Variants in CHL1 observed in about 807,000 individuals in gnomAD.
CHL1 encodes the protein cell adhesion molecule L1 like, also known as neural cell adhesion molecule L1-like protein.
CHL1 carries 96 observed loss-of-function variants against 141.9 expected under a neutral mutation model. That is an observed-to-expected ratio of 0.68 (90% CI 0.57 to 0.80). CHL1 has a LOEUF of 0.80. Ranked by LOEUF, CHL1 falls within the 30% of genes least tolerant of loss-of-function variation. The pLI, the probability that CHL1 is intolerant of heterozygous loss-of-function variation, is 0.00. For missense variants in CHL1, 1,820 were observed against 1,457.2 expected, an observed-to-expected ratio of 1.25 and a Z score of -4.05; for synonymous variants, 613 against 502.2, an observed-to-expected ratio of 1.22 and a Z score of -2.95.
intron 2 of CHL1, among the ~76,000 whole-genome samples, chr3:271,685 A>C (rs919674567): frequency 2.0e-5 from 3 of 152,256 alleles, no homozygotes; most frequent in African/African-American, 7.2e-5. Context: ...TGATATTTTT[A>C]TGCTAAGCTG....
chr3:288,110 G>C (rs1453803385), intron 2 of CHL1, among the ~76,000 whole-genome samples: 1 of 152,098 alleles, frequency 6.6e-6, no homozygotes, highest in African/African-American at 2.4e-5. Context: ...CTTGGATTCT[G>C]ATTGAAATAT....
At chr3:341,853 G>T in intron 6 of CHL1, 59 bp from the exon 7 acceptor site, 1 of 1,302,716 alleles carries the variant, frequency 7.7e-7, no homozygotes, top group Non-Finnish European at 1.0e-6. Context: ...AATGAAAAAG[G>T]AAGATGAAGC....
At chr3:331,506 T>A (rs1179272952) in intron 5 of CHL1, among the ~76,000 whole-genome samples, 7 of 152,140 alleles carry the variant, frequency 4.6e-5, no homozygotes, top group African/African-American at 1.7e-4. Context: ...TGTCCCAAAG[T>A]GCTGGGATTA....
rs934128001 is a variant in CHL1 at position 406,475 on chromosome 3, G to A, written c.*764G>A. 4.6e-5 allele frequency: 7 copies of A among 151,648 alleles called. No homozygotes were observed. The highest frequency in any genetic ancestry group is 1.7e-4 in the African/African-American group (7 of 41,280). The allele number at this position is 151,648 out of a possible 1,614,324, so 9.4% of individuals were successfully genotyped here. On this transcript the variant is annotated 3_prime_UTR_variant, in exon 28 of 28. Transcript: ENST00000256509. The stretch of plus-strand genomic sequence containing the variant: ...AGAAGGTTGTTTTATACGAGAACAG[G>A]CAGAAAGTGCCCATTGTTCAGGATT...
chr3:222,057 G>C (rs1229043361), intron 1 of CHL1, among the ~76,000 whole-genome samples: 1 of 152,056 alleles, frequency 6.6e-6, no homozygotes, highest in African/African-American at 2.4e-5. Context: ...ACAAAATATT[G>C]GTCCCCAAAA....
chr3:378,846 C>A (rs1246202400), intron 16 of CHL1, among the ~76,000 whole-genome samples: 4 of 152,188 alleles, frequency 2.6e-5, no homozygotes, highest in Non-Finnish European at 5.9e-5. Flanking sequence ...TCACACCCAA[C>A]CTACTGAACA....
chr3:355,348 C>T (rs536004594), intron 11 of CHL1, among the ~76,000 whole-genome samples: 2 of 152,204 alleles, frequency 1.3e-5, no homozygotes, highest in South Asian at 4.1e-4. Flanking sequence ...ATCCCCATGC[C>T]CGGTCCACCC....
At position 322,665 on chromosome 3, in the gene CHL1, TATATAATTA is replaced by T. The variant is rs1559252960; in HGVS notation, c.91+2799_91+2807del. ...TATAAAATATATATATATATATATA[TATATAATTA>T]TATATATATATATAAAACGAATAGC... On this transcript the variant is annotated intron_variant, in intron 3 of 27. Transcript: ENST00000256509. 3.0e-5 allele frequency among the ~76,000 whole-genome samples: 4 copies of T among 131,568 alleles called. No homozygotes were observed. The East Asian group carries it at 6.1e-4, about 20-fold the overall frequency. 86.3% of individuals were successfully genotyped at this position (131,568 alleles called of 152,430 possible). A position where few individuals can be genotyped will look rare whatever the true frequency, so the allele number is the denominator to read the frequency against.
At chr3:371,576 CTT>C (rs1705641269) in intron 15 of CHL1, among the ~76,000 whole-genome samples, 2 of 152,142 alleles carry the variant, frequency 1.3e-5, no homozygotes, top group African/African-American at 2.4e-5. Flanking sequence ...CAGTCTGTGA[CTT>C]TTAATTTGGC....
rs369418449 is a variant in CHL1 at position 276,765 on chromosome 3, T to C, written c.-95+32073T>C. Among the ~76,000 whole-genome samples the C allele has an allele frequency of 2.1e-3, 317 of 152,018 alleles. 1 individual carries two copies. The highest frequency in any genetic ancestry group is 7.2e-3 in the African/African-American group (298 of 41,446). On this transcript the variant is annotated intron_variant, in intron 2 of 27. Coordinates refer to ENST00000256509, the MANE Select transcript of CHL1 (RefSeq NM_006614.4). The stretch of plus-strand genomic sequence containing the variant: ...TTAGCTGGGCATGCTGGCCGGCACC[T>C]GTAGTCCCAGCTACTCAGGAGGCTG...
At chr3:333,676 G>A (rs1701640692) in intron 5 of CHL1, among the ~76,000 whole-genome samples, 1 of 152,066 alleles carries the variant, frequency 6.6e-6, no homozygotes, top group Non-Finnish European at 1.5e-5. Context: ...CTAGTAATTT[G>A]GGATTTAACA....
At chr3:388,786 G>A (rs1320476987) in intron 19 of CHL1, among the ~76,000 whole-genome samples, 2 of 152,148 alleles carry the variant, frequency 1.3e-5, no homozygotes, top group East Asian at 3.9e-4. Context: ...AATGGAGAAG[G>A]ATAGAACCAG....
At chr3:398,011 A>G (rs1312632455) in intron 24 of CHL1, among the ~76,000 whole-genome samples, 1 of 152,178 alleles carries the variant, frequency 6.6e-6, no homozygotes, top group Non-Finnish European at 1.5e-5. Flanking sequence ...ATTTCATCTT[A>G]AATGGCCATG....
At chr3:206,176 T>G (rs778288805) in intron 1 of CHL1, among the ~76,000 whole-genome samples, 22 of 152,226 alleles carry the variant, frequency 1.4e-4, no homozygotes, top group Non-Finnish European at 3.2e-4. Flanking sequence ...AAATATGAGG[T>G]TTTAAAACCT....
At chr3:288,639 AC>A (rs1306387285) in intron 2 of CHL1, among the ~76,000 whole-genome samples, 6 of 151,666 alleles carry the variant, frequency 4.0e-5, no homozygotes, top group African/African-American at 1.2e-4. Context: ...TCCCCTGCCA[AC>A]CCCCTACCTC....
At chr3:347,396 G>T (rs754075332) in intron 9 of CHL1, among the ~76,000 whole-genome samples, 2 of 152,052 alleles carry the variant, frequency 1.3e-5, no homozygotes, top group Admixed American at 6.5e-5. Context: ...TTTAAAAAAA[G>T]GCAGGAGGTA....
At chr3:357,760 T>C (rs1469271169) in intron 11 of CHL1, among the ~76,000 whole-genome samples, 1 of 152,252 alleles carries the variant, frequency 6.6e-6, no homozygotes. Context: ...ATTTAAGCAA[T>C]GTTTAATTAC....
At chr3:205,882 G>A (rs1006080854) in intron 1 of CHL1, among the ~76,000 whole-genome samples, 2 of 152,210 alleles carry the variant, frequency 1.3e-5, no homozygotes, top group Non-Finnish European at 1.5e-5. Context: ...TAAGCTGGGC[G>A]ATGCAGACAC....
At chr3:239,595 A>ATATATATAT (rs5845955) in intron 1 of CHL1, among the ~76,000 whole-genome samples, 75 of 146,324 alleles carry the variant, frequency 5.1e-4, no homozygotes, top group South Asian at 1.5e-3. Flanking sequence ...GTATATATAT[A>ATATATATAT]AAATATATAT....
Sources: allele counts gnomAD v4.1 joint callset (sites outside exome capture counted in the v4.1 genomes callset), GRCh38; gene constraint gnomAD v4.1.1; transcripts MANE v1.5; gene names NCBI Gene and HGNC (gene_info 2026-07-23, HGNC 2026-07-21).